SUN1: variants seen among roughly 807,000 people sequenced by gnomAD.
SUN1 encodes SUN domain-containing protein 1.
In SUN1, 61 loss-of-function variants were observed where a neutral mutation model predicts 103.2. The observed-to-expected ratio is 0.59, with a 90% CI of 0.48 to 0.73. The LOEUF is 0.73. Ranked by LOEUF, SUN1 falls within the 30% of genes least tolerant of loss-of-function variation. SUN1 has a pLI of 0.00. For missense variants in SUN1, 1,052 were observed against 1,034.6 expected (o/e 1.02, Z -0.23); for synonymous variants, 490 against 425.7 (o/e 1.15, Z -1.86).
chr7:870,075 G>A (rs535386654), intron 17 of SUN1, among the ~76,000 whole-genome samples: 29 of 150,762 alleles, frequency 1.9e-4, no homozygotes, highest in South Asian at 4.2e-4. Flanking sequence ...GCTTGGTGGC[G>A]CACGCCTGTA....
intron 1 of SUN1, among the ~76,000 whole-genome samples, chr7:823,374 T>G (rs10260226): frequency 6.6e-6 from 1 of 152,126 alleles, no homozygotes; most frequent in Non-Finnish European, 1.5e-5. Flanking sequence ...GTATCTCTGC[T>G]GAACATTAAG....
intron 16 of SUN1, 96 bp from the exon 17 acceptor site, chr7:869,253 A>C: frequency 6.9e-7 from 1 of 1,447,612 alleles, no homozygotes; most frequent in Non-Finnish European, 9.2e-7. Context: ...TGTAAAACTT[A>C]TTTTTATCTC....
chr7:842,831 T>C, intron 3 of SUN1: 1 of 373,330 alleles, frequency 2.7e-6, no homozygotes, highest in Non-Finnish European at 5.0e-6. Context: ...TTGTTCTGTT[T>C]TGCTCAGCTA....
At chr7:829,689 G>A (rs1273200692), upstream of SUN1, among the ~76,000 whole-genome samples, 1 of 151,934 alleles carries the variant, frequency 6.6e-6, no homozygotes, top group Non-Finnish European at 1.5e-5. Flanking sequence ...CGAGTACCTG[G>A]GACTACAGGC....
At chr7:833,082 T>A (rs1178144404) in intron 1 of SUN1, 1 of 155,574 alleles carries the variant, frequency 6.4e-6, no homozygotes, top group Admixed American at 6.4e-5. Flanking sequence ...AACCAAGACA[T>A]TGGAGTCTGA....
rs183935342 is a variant in SUN1, at chr7:858,789, G to T, written c.1524+832G>T. Among the ~76,000 whole-genome samples the T allele has an allele frequency of 2.6e-4, 40 of 152,328 alleles. No homozygotes were observed. The Middle Eastern group carries it at 0.014, about 52-fold the overall frequency. On this transcript the variant is annotated intron_variant, in intron 13 of 18. Coordinates refer to ENST00000401592, the MANE Select transcript of SUN1 (RefSeq NM_001130965.3). ...AGATTGGTAAAGGCATTTGCAATACGTGTGGTAAGATTATCTCTGATGTGC... is the reference window on the plus strand; with the variant it reads ...AGATTGGTAAAGGCATTTGCAATACTTGTGGTAAGATTATCTCTGATGTGC...
intron 5 of SUN1, among the ~76,000 whole-genome samples, chr7:846,601 A>G (rs1464973863): frequency 6.6e-6 from 1 of 152,004 alleles, no homozygotes; most frequent in African/African-American, 2.4e-5. Context: ...TAGGCTGGGT[A>G]CTGTGGCTCA....
intron 6 of SUN1, 197 bp downstream of exon 6, chr7:851,679 G>T: frequency 1.5e-6 from 1 of 659,604 alleles, no homozygotes; most frequent in Non-Finnish European, 2.6e-6. Context: ...GGTTTCTCTG[G>T]GGTTGGGTCT....
intron 5 of SUN1, among the ~76,000 whole-genome samples, chr7:845,845 G>A (rs916766961): frequency 1.3e-5 from 2 of 152,162 alleles, no homozygotes; most frequent in African/African-American, 2.4e-5. Context: ...GTAAAATTCA[G>A]ATAACATGAA....
In SUN1 at chr7:855,541, G is replaced by A. The variant is rs970814981; in HGVS notation, c.1350+535G>A. 3.3e-5 allele frequency among the ~76,000 whole-genome samples: 5 copies of A among 152,318 alleles called. No individual in the cohort carries two copies. The East Asian group carries it at 7.7e-4, about 24-fold the overall frequency. ...TCTGGTGCTTGACACAGAGCCTGGC[G>A]TGTCACATGTGCGTGTGTGTATTGA... is the stretch of plus-strand genomic sequence containing the variant. On this transcript the variant is annotated intron_variant, in intron 11 of 18. Coordinates refer to ENST00000401592, the MANE Select transcript of SUN1 (RefSeq NM_001130965.3).
At position 853,133 on chromosome 7, in the gene SUN1, A is replaced by G. The variant is rs1823824596; in HGVS notation, c.1053+181A>G. The stretch of plus-strand genomic sequence containing the variant: ...TCTAGGATAGTTCAAATGCACATTT[A>G]AAGTACTCTCATGATTCAGTTAGTT... On this transcript the variant is annotated intron_variant, in intron 9 of 18. Coordinates refer to ENST00000401592, the MANE Select transcript of SUN1 (RefSeq NM_001130965.3). 5 of 823,286 alleles carry G rather than the reference A, an allele frequency of 6.1e-6. No individual in the cohort carries two copies. In the East Asian group the frequency reaches 1.3e-4, roughly 22 times the overall value. 51.0% of individuals were successfully genotyped at this position (823,286 alleles called of 1,614,324 possible).
chr7:845,805 A>C (rs1814998055), intron 5 of SUN1, among the ~76,000 whole-genome samples: 1 of 152,146 alleles, frequency 6.6e-6, no homozygotes, highest in Non-Finnish European at 1.5e-5. Context: ...ATAATAGTTG[A>C]GTGGGAATTC....
chr7:863,805 A>G (rs983966680), intron 15 of SUN1, among the ~76,000 whole-genome samples: 34 of 152,344 alleles, frequency 2.2e-4, no homozygotes, highest in Non-Finnish European at 2.5e-4. Context: ...CATTTGGAGT[A>G]GCTCTCTCTC....
intron 13 of SUN1, among the ~76,000 whole-genome samples, chr7:858,899 G>T (rs1352508204): frequency 2.6e-5 from 4 of 152,202 alleles, no homozygotes; most frequent in Non-Finnish European, 4.4e-5. Flanking sequence ...TCACGCCTGT[G>T]ATTCCAGCAC....
At chr7:849,822 A>G in intron 5 of SUN1, 2 of 1,287,266 alleles carry the variant, frequency 1.6e-6, no homozygotes, top group Admixed American at 3.7e-5. Flanking sequence ...TGTGTAATTG[A>G]GTTTCCCAGT....
chr7:848,042 G>A (rs531922146), intron 5 of SUN1, among the ~76,000 whole-genome samples: 69 of 150,510 alleles, frequency 4.6e-4, no homozygotes, highest in African/African-American at 1.5e-3. Context: ...TCCAGTCTCC[G>A]GGATCCCCTG....
chr7:838,020 T>C (rs1457449035), intron 1 of SUN1, among the ~76,000 whole-genome samples: 3 of 152,368 alleles, frequency 2.0e-5, no homozygotes, highest in South Asian at 2.1e-4. Flanking sequence ...TCTTAAATTG[T>C]GTGTAGTGAC....
upstream of SUN1, among the ~76,000 whole-genome samples, chr7:830,673 C>A (rs1797092052): frequency 6.6e-6 from 1 of 152,220 alleles, no homozygotes; most frequent in African/African-American, 2.4e-5. Flanking sequence ...TCTGGCCTGG[C>A]TGCCCTAATG....
upstream of SUN1, among the ~76,000 whole-genome samples, chr7:828,843 G>C (rs141494960): frequency 2.6e-5 from 4 of 152,320 alleles, no homozygotes; most frequent in Non-Finnish European, 5.9e-5. Flanking sequence ...TCTTCCCACA[G>C]TCCCCTCTGT....
Sources: gnomAD v4.1 joint callset for allele counts (sites outside exome capture counted in the v4.1 genomes callset) on GRCh38, gnomAD v4.1.1 for gene constraint, MANE v1.5 for transcripts, NCBI Gene and HGNC (gene_info 2026-07-23, HGNC 2026-07-21) for gene names.